The following BSPRY variants were observed in gnomAD, a reference collection of about 807,000 sequenced individuals.
BSPRY encodes B-box and SPRY domain containing, also known as B box and SPRY domain-containing protein.
A neutral mutation model predicts 38.0 loss-of-function variants in BSPRY; 33 were observed. The ratio of observed to expected loss-of-function variants is 0.87; its 90% confidence interval spans 0.66 to 1.16. BSPRY has a LOEUF of 1.16. Ranked by LOEUF, BSPRY falls within the 50% of genes most tolerant of loss-of-function variation. BSPRY has a pLI of 0.00. For missense variants in BSPRY, 523 were observed against 533.2 expected, an observed-to-expected ratio of 0.98 and a Z score of 0.19; for synonymous variants, 224 against 228.5, an observed-to-expected ratio of 0.98 and a Z score of 0.18.
At chr9:113,351,925 T>G (rs1175123565) in intron 1 of BSPRY, among the ~76,000 whole-genome samples, 2 of 152,182 alleles carry the variant, frequency 1.3e-5, no homozygotes, top group Non-Finnish European at 2.9e-5. Flanking sequence ...TTCTCCCACC[T>G]CAGCCTCCCG....
intron 4 of BSPRY, among the ~76,000 whole-genome samples, chr9:113,363,564 T>C (rs1834189798): frequency 6.6e-6 from 1 of 152,234 alleles, no homozygotes; most frequent in South Asian, 2.1e-4. Flanking sequence ...TAGGAGGGTA[T>C]GTGGCGGTTT....
chr9:113,365,866 G>A (rs1385182797), intron 4 of BSPRY, among the ~76,000 whole-genome samples: 1 of 147,214 alleles, frequency 6.8e-6, no homozygotes, highest in Non-Finnish European at 1.5e-5. Flanking sequence ...GTGCAGTGGC[G>A]CAATCTTGCC....
chr9:113,360,570 G>C lies in BSPRY; in HGVS notation c.364G>C (p.Glu122Gln). 1.2e-6 allele frequency: 2 copies of C among 1,608,312 alleles called. No individual in the cohort carries two copies. Among genetic ancestry groups the C allele is most frequent in the Non-Finnish European group, 1.7e-6 (2 of 1,178,588 alleles). ...QRLSLVRSLC[E>Q]SEEQRLLEQV... ...GTTGAGTCTGGTGAGGAGTCTTTGC[G>C]AGAGCGAGGAGCAGCGGTTACTGGA... The change falls in exon 3 of 6, where the codon GAG (glutamate) becomes CAG (glutamine). Residue 122 changes from glutamate (E) to glutamine (Q), a missense_variant. By Grantham distance (29) the Glu-to-Gln change is conservative. Coordinates refer to ENST00000374183, the MANE Select transcript of BSPRY (RefSeq NM_017688.3).
At position 113,354,319 on chromosome 9, in the gene BSPRY, G is replaced by C. The variant is rs747299077; in HGVS notation, c.281G>C (p.Gly94Ala). The C allele has an allele frequency of 1.2e-5, 19 of 1,613,898 alleles. No homozygotes were observed. Among genetic ancestry groups the C allele is most frequent in the Non-Finnish European group, 1.5e-5 (18 of 1,179,924 alleles). ...AAGTATGTGGCGGACGTCCTGCCGG[G>C]GAAGAATCAAAGAGCAGTGGTAATT... Reference protein sequence around the residue: ...ITKYVADVLPGKNQRAVSMAS... With the variant: ...ITKYVADVLPAKNQRAVSMAS... Residue 94 changes from glycine to alanine, a missense_variant, in exon 2 of 6, where the codon GGG becomes GCG. Physicochemically the swap from Gly to Ala is moderately conservative, Grantham distance 60. Transcript: ENST00000374183.
At chr9:113,353,369 G>A (rs1275252622) in intron 1 of BSPRY, among the ~76,000 whole-genome samples, 1 of 152,006 alleles carries the variant, frequency 6.6e-6, no homozygotes, top group Non-Finnish European at 1.5e-5. Flanking sequence ...TGGACGACAA[G>A]CAAGACTCTA....
chr9:113,359,188 C>G (rs1369639412), intron 2 of BSPRY, among the ~76,000 whole-genome samples: 1 of 152,114 alleles, frequency 6.6e-6, no homozygotes, highest in East Asian at 1.9e-4. Flanking sequence ...TATTATTATC[C>G]TCATTTTACA....
At chr9:113,349,992 G>A (rs554125050) in intron 1 of BSPRY, among the ~76,000 whole-genome samples, 2 of 152,236 alleles carry the variant, frequency 1.3e-5, no homozygotes, top group African/African-American at 2.4e-5. Context: ...CTCCCTGTGA[G>A]TCACGTAACT....
At position 113,349,781 on chromosome 9, in the gene BSPRY, G is replaced by A. The variant is rs1833941148; in HGVS notation, c.201+1G>A. The A allele has an allele frequency of 4.9e-6, 6 of 1,231,826 alleles. No individual in the cohort carries two copies. The highest frequency in any genetic ancestry group is 3.3e-5 in the East Asian group (1 of 30,154). 76.3% of individuals were successfully genotyped at this position (1,231,826 alleles called of 1,614,324 possible). On this transcript the variant is annotated splice_donor_variant, in intron 1 of 5. Transcript: ENST00000374183. LOFTEE classifies it high-confidence loss of function. ...GGAGGAGCGCGCCGAGGAGCTGCGGGTGAGCGGGTGTGGGCGCCGGAAGGC... is the reference window on the plus strand; with the variant it reads ...GGAGGAGCGCGCCGAGGAGCTGCGGATGAGCGGGTGTGGGCGCCGGAAGGC...
At chr9:113,355,077 G>A (rs1030063769) in intron 2 of BSPRY, among the ~76,000 whole-genome samples, 5 of 152,136 alleles carry the variant, frequency 3.3e-5, no homozygotes, top group Non-Finnish European at 2.9e-5. Flanking sequence ...GGCTGGTCTC[G>A]AACTCCTGGG....
chr9:113,363,868 C>A (rs1419162530), intron 4 of BSPRY, among the ~76,000 whole-genome samples: 16 of 93,192 alleles, frequency 1.7e-4, no homozygotes, highest in Non-Finnish European at 2.9e-4. Flanking sequence ...CAGAGTGAGA[C>A]TCCACCTCAA....
Position 113,349,640 on chromosome 9 carries a change from C to G in BSPRY, c.61C>G (p.Leu21Val). The change falls in exon 1 of 6, where the codon CTC becomes GTC. Residue 21 changes from leucine (L) to valine (V), a missense_variant. Leu to Val is a conservative substitution (Grantham distance 32). Coordinates refer to ENST00000374183, the MANE Select transcript of BSPRY (RefSeq NM_017688.3). Reference protein sequence around the residue: ...GSGSGPGPGPLCPEHGQALSW... With the variant: ...GSGSGPGPGPVCPEHGQALSW... Reference sequence around the variant, plus strand: ...CGGGTCCGGGCCCGGGCCGGGGCCACTCTGCCCCGAACACGGCCAGGCTCT... The same window carrying G: ...CGGGTCCGGGCCCGGGCCGGGGCCAGTCTGCCCCGAACACGGCCAGGCTCT... 2.5e-6 allele frequency: 3 copies of G among 1,223,776 alleles called. No individual in the cohort carries two copies. The highest frequency in any genetic ancestry group is 1.0e-6 in the Non-Finnish European group (1 of 981,416). The allele number at this position is 1,223,776 out of a possible 1,614,324, so 75.8% of individuals were successfully genotyped here.
rs1310116985 is a variant in BSPRY, at chr9:113,349,588, C to T, written c.9C>T (p.Ala3=). MS[A]EGAEPGPGSG... ...GGGGCGGGCGCACGGCCATGTCCGCCGAGGGCGCGGAGCCGGGGCCGGGGT... is the reference window on the plus strand; with the variant it reads ...GGGGCGGGCGCACGGCCATGTCCGCTGAGGGCGCGGAGCCGGGGCCGGGGT... Residue 3 remains alanine (A), a synonymous_variant, in exon 1 of 6, where the codon GCC becomes GCT. Transcript: ENST00000374183. The T allele has an allele frequency of 1.5e-5, 18 of 1,173,106 alleles. No homozygotes were observed. Among genetic ancestry groups the T allele is most frequent in the Non-Finnish European group, 1.9e-5 (18 of 951,018 alleles). 72.7% of individuals were successfully genotyped at this position (1,173,106 alleles called of 1,614,324 possible).
intron 2 of BSPRY, among the ~76,000 whole-genome samples, chr9:113,358,125 A>G (rs1364907857): frequency 2.0e-5 from 3 of 150,566 alleles, no homozygotes; most frequent in African/African-American, 7.3e-5. Context: ...GCATGGGCCT[A>G]TAGTCCCAAC....
intron 2 of BSPRY, 47 bp downstream of exon 2, chr9:113,354,385 G>A (rs1447263287): frequency 5.3e-6 from 8 of 1,523,718 alleles, no homozygotes; most frequent in South Asian, 1.1e-5. Context: ...CCAGGATAAG[G>A]CCTTAGACTT....
chr9:113,367,570 T>C (rs967807332), intron 4 of BSPRY, among the ~76,000 whole-genome samples: 1 of 152,114 alleles, frequency 6.6e-6, no homozygotes, highest in East Asian at 1.9e-4. Flanking sequence ...AAGGGCAAGA[T>C]GTTGGAGTAG....
At chr9:113,353,750 G>A (rs528481694) in intron 1 of BSPRY, among the ~76,000 whole-genome samples, 1 of 152,070 alleles carries the variant, frequency 6.6e-6, no homozygotes, top group African/African-American at 2.4e-5. Flanking sequence ...AAGACAAAAT[G>A]GACTTTAAGG....
intron 4 of BSPRY, among the ~76,000 whole-genome samples, chr9:113,364,150 C>T (rs1289871704): frequency 2.0e-5 from 3 of 152,136 alleles, no homozygotes; most frequent in Non-Finnish European, 2.9e-5. Flanking sequence ...CCTGCCACTG[C>T]ACTCCAGACT....
At chr9:113,365,899 G>T in intron 4 of BSPRY, among the ~76,000 whole-genome samples, 1 of 150,824 alleles carries the variant, frequency 6.6e-6, no homozygotes, top group East Asian at 1.9e-4. Flanking sequence ...CCACCTCCTG[G>T]GTCCAAGCGA....
chr9:113,349,926 G>A (rs1013927864), intron 1 of BSPRY, 146 bp downstream of exon 1: 1 of 1,111,104 alleles, frequency 9.0e-7, no homozygotes, highest in Non-Finnish European at 1.1e-6. Context: ...TTGGCTGTAG[G>A]ACTAGGCGGT....
Sources: gnomAD v4.1 joint callset for allele counts (sites outside exome capture counted in the v4.1 genomes callset) on GRCh38, gnomAD v4.1.1 for gene constraint, MANE v1.5 for transcripts, NCBI Gene and HGNC (gene_info 2026-07-23, HGNC 2026-07-21) for gene names.